The following RANBP2 variants were observed in gnomAD, a reference collection of about 807,000 sequenced individuals.
RANBP2 encodes the protein RAN binding protein 2.
RANBP2 carries 57 observed loss-of-function variants against 303.6 expected under a neutral mutation model. The ratio of observed to expected loss-of-function variants is 0.19; its 90% confidence interval spans 0.15 to 0.23. RANBP2 has a LOEUF of 0.23. RANBP2 is among the 10% of genes least tolerant of loss of function. RANBP2 has a pLI of 1.00. For synonymous variants in RANBP2, 1,167 were observed against 1,301.5 expected (o/e 0.90, Z 2.23); for missense variants, 3,138 against 3,780.8 (o/e 0.83, Z 4.46).
chr2:109,488,677 G>T, the RANBP2 span, among the ~76,000 whole-genome samples: 1 of 152,104 alleles, frequency 6.6e-6, no homozygotes, highest in African/African-American at 2.4e-5. Flanking sequence ...CCCTCAAGTT[G>T]TGCCGCCAAC....
At chr2:109,189,153 GA>G in the RANBP2 span, among the ~76,000 whole-genome samples, 2 of 151,932 alleles carry the variant, frequency 1.3e-5, no homozygotes, top group Non-Finnish European at 2.9e-5. Context: ...TGACCTCGCT[GA>G]CAGTGTTGTG....
At chr2:109,514,426 CTG>C in the RANBP2 span, among the ~76,000 whole-genome samples, 1 of 152,194 alleles carries the variant, frequency 6.6e-6, no homozygotes, top group Non-Finnish European at 1.5e-5. Context: ...TGAATTATGA[CTG>C]TGCACAGCTC....
At chr2:109,599,648 C>T in the RANBP2 span, among the ~76,000 whole-genome samples, 1 of 152,002 alleles carries the variant, frequency 6.6e-6, no homozygotes, top group Non-Finnish European at 1.5e-5. Flanking sequence ...CCAACAAATA[C>T]ATCAAAAGTT....
the RANBP2 span, among the ~76,000 whole-genome samples, chr2:109,483,710 T>C: frequency 2.6e-5 from 4 of 152,236 alleles, no homozygotes; most frequent in African/African-American, 7.2e-5. Flanking sequence ...GAGCACATTC[T>C]TGTGGCTGTC....
chr2:109,553,706 TAGTC>T, the RANBP2 span, among the ~76,000 whole-genome samples: 71 of 151,730 alleles, frequency 4.7e-4, no homozygotes, highest in African/African-American at 1.6e-3. Context: ...TACAAAAAAT[TAGTC>T]AGGCATGGTG....
the RANBP2 span, among the ~76,000 whole-genome samples, chr2:109,411,587 T>C: frequency 6.6e-6 from 1 of 152,142 alleles, no homozygotes; most frequent in African/African-American, 2.4e-5. Context: ...CCACGACCAG[T>C]GTGCCACTCA....
chr2:109,214,449 A>T, the RANBP2 span, among the ~76,000 whole-genome samples: 6,679 of 150,488 alleles, frequency 0.044, 472 homozygotes, highest in African/African-American at 0.15. Context: ...TTAAAGTATT[A>T]AAAAAAAAGA....
intron 4 of RANBP2, among the ~76,000 whole-genome samples, chr2:108,734,612 G>C (rs1695422424): frequency 1.3e-5 from 2 of 151,678 alleles, no homozygotes; most frequent in African/African-American, 4.9e-5. Flanking sequence ...TGTGTTTACA[G>C]GTGTTTAAAA....
the RANBP2 span, among the ~76,000 whole-genome samples, chr2:109,251,257 C>T: frequency 6.6e-6 from 1 of 152,208 alleles, no homozygotes; most frequent in Admixed American, 6.5e-5. Context: ...CCCGCCTCAG[C>T]CTCCCAAAGT....
chr2:109,316,654 A>G, the RANBP2 span, among the ~76,000 whole-genome samples: 2 of 152,196 alleles, frequency 1.3e-5, no homozygotes. Context: ...TTCCATCAGC[A>G]TCAGCCACCA....
the RANBP2 span, chr2:109,614,433 C>T: frequency 1.7e-6 from 2 of 1,153,842 alleles, no homozygotes; most frequent in Non-Finnish European, 1.1e-6. Context: ...CGCTGGGAGC[C>T]CGTCGCTATG....
At chr2:109,156,646 A>G in the RANBP2 span, among the ~76,000 whole-genome samples, 1 of 152,066 alleles carries the variant, frequency 6.6e-6, no homozygotes, top group African/African-American at 2.4e-5. Context: ...GGGTTTCACC[A>G]TGTTGGCCAG....
At chr2:109,250,225 G>T in the RANBP2 span, among the ~76,000 whole-genome samples, 1 of 151,966 alleles carries the variant, frequency 6.6e-6, no homozygotes, top group Non-Finnish European at 1.5e-5. Flanking sequence ...TGTATTTAGG[G>T]AAAGGCAACT....
the RANBP2 span, among the ~76,000 whole-genome samples, chr2:108,877,243 G>T: frequency 6.6e-6 from 1 of 152,010 alleles, no homozygotes; most frequent in South Asian, 2.1e-4. Context: ...TGAGGTGGGC[G>T]GATCACCTAA....
chr2:109,283,843 T>C, the RANBP2 span, among the ~76,000 whole-genome samples: 1 of 152,230 alleles, frequency 6.6e-6, no homozygotes, highest in South Asian at 2.1e-4. Context: ...GTCTTGCTGC[T>C]GAGCCACTGG....
the RANBP2 span, among the ~76,000 whole-genome samples, chr2:109,170,842 C>A: frequency 6.6e-6 from 1 of 152,192 alleles, no homozygotes; most frequent in Admixed American, 6.5e-5. Flanking sequence ...ACAGAGAGGG[C>A]GCTTTTCTCC....
the RANBP2 span, chr2:109,614,641 G>A: frequency 1.3e-4 from 193 of 1,467,322 alleles, 1 homozygote; most frequent in Non-Finnish European, 1.7e-4. Flanking sequence ...CAGCGCGCCC[G>A]CGCCCGCGCG....
chr2:108,742,148 C>T (rs1696156992), intron 7 of RANBP2, among the ~76,000 whole-genome samples: 1 of 151,840 alleles, frequency 6.6e-6, no homozygotes, highest in African/African-American at 2.4e-5. Flanking sequence ...AGGCATGCGC[C>T]ACCACGCCCG....
At chr2:109,623,211 A>G in the RANBP2 span, among the ~76,000 whole-genome samples, 1 of 152,168 alleles carries the variant, frequency 6.6e-6, no homozygotes, top group African/African-American at 2.4e-5. Flanking sequence ...ATCGGAATCT[A>G]TTACAAAGGG....
Sources: allele counts gnomAD v4.1 joint callset (sites outside exome capture counted in the v4.1 genomes callset), GRCh38; gene constraint gnomAD v4.1.1; transcripts MANE v1.5; gene names NCBI Gene and HGNC (gene_info 2026-07-23, HGNC 2026-07-21).